The following TRADD variants were observed in gnomAD, a reference collection of about 807,000 sequenced individuals.
TRADD encodes tumor necrosis factor receptor type 1-associated DEATH domain protein.
A neutral mutation model predicts 31.5 loss-of-function variants in TRADD; 14 were observed. The ratio of observed to expected loss-of-function variants is 0.44; its 90% CI spans 0.29 to 0.69. The LOEUF is 0.69. Ranked by LOEUF, TRADD falls within the 30% of genes least tolerant of loss-of-function variation. TRADD has a pLI of 0.11. For missense variants in TRADD, 388 were observed against 435.7 expected (o/e 0.89, Z 0.97); for synonymous variants, 220 against 215.8 (o/e 1.02, Z -0.17).
intron 1 of TRADD, among the ~76,000 whole-genome samples, chr16:67,158,167 T>C (rs1255077980): frequency 2.0e-5 from 3 of 152,228 alleles, no homozygotes; most frequent in Non-Finnish European, 2.9e-5. Context: ...CTTTGTTTTT[T>C]CAATTGTCTT....
At position 67,154,462 on chromosome 16, in the gene TRADD, C is replaced by G. The variant is rs1467433459; in HGVS notation, c.*187G>C. 1 of 702,852 alleles carries G rather than the reference C, an allele frequency of 1.4e-6. No individual in the cohort carries two copies. Among genetic ancestry groups the G allele is most frequent in the Non-Finnish European group, 2.4e-6 (1 of 418,810 alleles). 43.5% of individuals were successfully genotyped at this position (702,852 alleles called of 1,614,324 possible). On this transcript the variant is annotated 3_prime_UTR_variant, in exon 5 of 5. Transcript: ENST00000345057. The surrounding 1 kb of genome is among the most constrained non-coding windows in gnomAD (Gnocchi z 5.2). ...CCACACTCTATCAAAGTACCTGAGG[C>G]AGAATCCCCAATGATGCACCCCCAG... is the stretch of plus-strand genomic sequence containing the variant.
At chr16:67,158,652 T>C (rs1473562054) in intron 1 of TRADD, among the ~76,000 whole-genome samples, 1 of 152,200 alleles carries the variant, frequency 6.6e-6, no homozygotes, top group African/African-American at 2.4e-5. Context: ...TTATGTGAAG[T>C]AGACATATTT....
Position 67,155,145 on chromosome 16 carries a change from C to T in TRADD, c.579G>A (p.Pro193=). 1 of 1,547,976 alleles carries T rather than the reference C, an allele frequency of 6.5e-7. No individual in the cohort carries two copies. The highest frequency in any genetic ancestry group is 8.7e-7 in the Non-Finnish European group (1 of 1,150,206). The change falls in exon 4 of 5, where the codon CCG becomes CCA. Residue 193 remains proline, a synonymous_variant. Transcript: ENST00000345057. ...AAGTCTGGGCAGGTGGCGGCGGCGG[C>T]GGCGGCTTCACCTCCGACAGAGAGG... ...PVPSLSEVKP[P]PPPPPAQTFL...
In TRADD at chr16:67,156,622, G is replaced by A. The variant is rs1378430787; in HGVS notation, c.39C>T (p.Gly13=). Residue 13 remains glycine (G), a synonymous_variant, in exon 2 of 5, where the codon GGC becomes GGT. Transcript: ENST00000345057. This position sits in a 1 kb window ranked among gnomAD's most constrained non-coding sequence, Gnocchi z 4.6. ...AGQNGHEEWV[G]SAYLFVESSL... Reference sequence around the variant, plus strand: ...AGGACTCCACAAACAGGTATGCGCTGCCCACCCACTCTTCGTGCCCATTTT... The same window carrying A: ...AGGACTCCACAAACAGGTATGCGCTACCCACCCACTCTTCGTGCCCATTTT... 1.2e-6 allele frequency: 2 copies of A among 1,614,088 alleles called. No individual in the cohort carries two copies. Among genetic ancestry groups the A allele is most frequent in the Admixed American group, 3.3e-5 (2 of 60,020 alleles).
In TRADD at chr16:67,154,641, C is replaced by T. The variant is rs531574453; in HGVS notation, c.*8G>A. The stretch of plus-strand genomic sequence containing the variant: ...CCAGGTTCTCCAAAAGCTGGCTGCA[C>T]CCCTGGTCTAGGCCAGGCCGCCATT... On this transcript the variant is annotated 3_prime_UTR_variant, in exon 5 of 5. Coordinates refer to ENST00000345057, the MANE Select transcript of TRADD (RefSeq NM_003789.4). This position sits in a 1 kb window ranked among gnomAD's most constrained non-coding sequence, Gnocchi z 5.2. 2.5e-6 allele frequency: 4 copies of T among 1,611,626 alleles called. No individual in the cohort carries two copies. The South Asian group carries it at 3.3e-5, about 13-fold the overall frequency.
rs1457653026 is a variant in TRADD at position 67,159,682 on chromosome 16, G to C, written c.-9+156C>G. 2.2e-4 allele frequency among the ~76,000 whole-genome samples: 33 copies of C among 152,118 alleles called. No individual in the cohort carries two copies. The highest frequency in any genetic ancestry group is 8.8e-5 in the Non-Finnish European group (6 of 68,018). ...GGGGCCAAATTCCGTACCGTCCCCC[G>C]CCTCCCACGGTGTTCGAACAGCTCA... On this transcript the variant is annotated intron_variant, in intron 1 of 4. Transcript: ENST00000345057. This position sits in a 1 kb window ranked among gnomAD's most constrained non-coding sequence, Gnocchi z 6.8.
Position 67,156,390 on chromosome 16 carries a change from G to A in TRADD, c.151+120C>T, listed in dbSNP as rs1371428619. On this transcript the variant is annotated intron_variant, in intron 2 of 4. Transcript: ENST00000345057. This position sits in a 1 kb window ranked among gnomAD's most constrained non-coding sequence, Gnocchi z 4.6. ...CAAAGAAGAGAGTCTGCACAGCCAG[G>A]GGTCCTCCGTCTTGCTCCTCCCACC... is the stretch of plus-strand genomic sequence containing the variant. 2 of 1,464,640 alleles carry A rather than the reference G, an allele frequency of 1.4e-6. No individual in the cohort carries two copies. The highest frequency in any genetic ancestry group is 1.8e-5 in the Admixed American group (1 of 56,610). The allele number at this position is 1,464,640 out of a possible 1,614,324, so 90.7% of individuals were successfully genotyped here. A position where few individuals can be genotyped will look rare whatever the true frequency, so the allele number is the denominator to read the frequency against.
At position 67,154,726 on chromosome 16, in the gene TRADD, C is replaced by A. The variant is rs1324264562; in HGVS notation, c.862G>T (p.Ala288Ser). 22 of 1,612,346 alleles carry A rather than the reference C, an allele frequency of 1.4e-5. No individual in the cohort carries two copies. The highest frequency in any genetic ancestry group is 1.9e-5 in the Non-Finnish European group (22 of 1,179,712). Residue 288 changes from alanine to serine, a missense_variant, in exon 5 of 5, where the codon GCA (alanine) becomes TCA (serine). Physicochemically the swap from Ala to Ser is moderately conservative, Grantham distance 99. Coordinates refer to ENST00000345057, the MANE Select transcript of TRADD (RefSeq NM_003789.4). This position sits in a 1 kb window ranked among gnomAD's most constrained non-coding sequence, Gnocchi z 5.2. ...CTGGTGAGCTCGTTCTCCTCGAGTG[C>A]CTCCACCAGGCGCTGCAGCGTGGCG... is the stretch of plus-strand genomic sequence containing the variant. ...RRATLQRLVE[A>S]LEENELTSLA... is the part of the protein sequence containing the mutation.
In TRADD at chr16:67,154,822, A is replaced by G. The variant is rs747925696; in HGVS notation, c.766T>C (p.Tyr256His). ...DPALDSLAYE[Y>H]EREGLYEQAF... ...TGCTCGTACAGTCCCTCGCGCTCGT[A>G]CTCGTAGGCCAGCGAGTCCAGCGCC... is the stretch of plus-strand genomic sequence containing the variant. The change falls in exon 5 of 5, where the codon TAC becomes CAC. Residue 256 changes from tyrosine to histidine, a missense_variant. Transcript: ENST00000345057. The surrounding 1 kb of genome is among the most constrained non-coding windows in gnomAD (Gnocchi z 5.2). 1.2e-5 allele frequency: 19 copies of G among 1,592,664 alleles called. No homozygotes were observed. Among genetic ancestry groups the G allele is most frequent in the Non-Finnish European group, 1.6e-5 (19 of 1,170,784 alleles).
At chr16:67,155,051 A>T (rs1284724237) in intron 4 of TRADD, 45 bp downstream of exon 4, 1 of 618,036 alleles carries the variant, frequency 1.6e-6, no homozygotes, top group Non-Finnish European at 2.4e-6. Context: ...GCCCCTCCCC[A>T]GACTCCAACC....
Position 67,156,041 on chromosome 16 carries a change from A to G in TRADD, c.152-387T>C. 1.5e-6 allele frequency: 2 copies of G among 1,358,750 alleles called. No homozygotes were observed. The highest frequency in any genetic ancestry group is 2.9e-5 in the African/African-American group (2 of 68,570). 84.2% of individuals were successfully genotyped at this position (1,358,750 alleles called of 1,614,324 possible). On this transcript the variant is annotated intron_variant, in intron 2 of 4. Transcript: ENST00000345057. This position sits in a 1 kb window ranked among gnomAD's most constrained non-coding sequence, Gnocchi z 4.6. ...GGTCTCAGGTCTTCGGCCTCCACCA[A>G]GCGCGACTCCCACTGCTCGGGAAGA...
At position 67,154,946 on chromosome 16, in the gene TRADD, C is replaced by G; in HGVS notation, c.642G>C (p.Leu214=). The part of the protein sequence containing the change: ...FQGQPVVNRP[L]SLKDQQTFAR... Reference sequence around the variant, plus strand: ...CGAACGTCTGTTGGTCCTTCAGGCTCAGCGGCCGATTCACTGCAGAGGGAG... The same window carrying G: ...CGAACGTCTGTTGGTCCTTCAGGCTGAGCGGCCGATTCACTGCAGAGGGAG... The change falls in exon 5 of 5, where the codon CTG becomes CTC. Residue 214 remains leucine, a synonymous_variant. Transcript: ENST00000345057. This position sits in a 1 kb window ranked among gnomAD's most constrained non-coding sequence, Gnocchi z 5.2. 1 of 1,609,466 alleles carries G rather than the reference C, an allele frequency of 6.2e-7. No homozygotes were observed. Among genetic ancestry groups the G allele is most frequent in the South Asian group, 1.1e-5 (1 of 90,464 alleles).
In TRADD at chr16:67,159,148, G is replaced by T. The variant is rs2030807651; in HGVS notation, c.-9+690C>A. Among the ~76,000 whole-genome samples, 1 of 152,238 alleles carries T rather than the reference G, an allele frequency of 6.6e-6. No homozygotes were observed. Among genetic ancestry groups the T allele is most frequent in the Non-Finnish European group, 1.5e-5 (1 of 68,044 alleles). On this transcript the variant is annotated intron_variant, in intron 1 of 4. Coordinates refer to ENST00000345057, the MANE Select transcript of TRADD (RefSeq NM_003789.4). The surrounding 1 kb of genome is among the most constrained non-coding windows in gnomAD (Gnocchi z 6.8). ...TCTTCTTACGTGTTCTTTCACGGAA[G>T]CCCCTCCTTGGGAAGCCCCGCGCCC...
intron 3 of TRADD, 25 bp from the exon 4 acceptor site, chr16:67,155,319 C>T: frequency 3.1e-6 from 5 of 1,609,188 alleles, no homozygotes; most frequent in East Asian, 2.2e-5. Flanking sequence ...CGTGCCGTCA[C>T]GGGGGACTTA....
Position 67,155,985 on chromosome 16 carries a change from T to C in TRADD, c.152-331A>G, listed in dbSNP as rs1296963494. The C allele has an allele frequency of 7.8e-6, 11 of 1,413,072 alleles. 1 individual carries two copies. The South Asian group carries it at 1.2e-4, about 16-fold the overall frequency. The allele number at this position is 1,413,072 out of a possible 1,614,324, so 87.5% of individuals were successfully genotyped here. A position where few individuals can be genotyped will look rare whatever the true frequency, so the allele number is the denominator to read the frequency against. On this transcript the variant is annotated intron_variant, in intron 2 of 4. Coordinates refer to ENST00000345057, the MANE Select transcript of TRADD (RefSeq NM_003789.4). Reference sequence around the variant, plus strand: ...GCCCTGGGCAAACAAGCCGTCTGGGTAGGCGGCCAGCAGGGCAGAGGAGGG... The same window carrying C: ...GCCCTGGGCAAACAAGCCGTCTGGGCAGGCGGCCAGCAGGGCAGAGGAGGG...
intron 3 of TRADD, 35 bp from the exon 4 acceptor site, chr16:67,155,329 A>G (rs1169057663): frequency 1.2e-6 from 2 of 1,607,768 alleles, no homozygotes; most frequent in Middle Eastern, 1.7e-4. Flanking sequence ...CGGGGGACTT[A>G]ACCGCGGATC....
intron 2 of TRADD, 68 bp from the exon 3 acceptor site, chr16:67,155,722 G>A (rs1397207133): frequency 1.3e-6 from 2 of 1,507,802 alleles, no homozygotes; most frequent in Admixed American, 4.4e-5. Flanking sequence ...GGCCGGAGGA[G>A]GGGCGAAGCC....
At position 67,155,639 on chromosome 16, in the gene TRADD, G is replaced by C. The variant is rs540812073; in HGVS notation, c.167C>G (p.Pro56Arg). ...GATCTTCAGCATCTGCAGCACGTCCGGGCTCCCGCCGCTCTCTGCGGAGGC... is the reference window on the plus strand; with the variant it reads ...GATCTTCAGCATCTGCAGCACGTCCCGGCTCCCGCCGCTCTCTGCGGAGGC... ...QAALAESGGS[P>R]DVLQMLKIHR... Residue 56 changes from proline (P) to arginine (R), a missense_variant, in exon 3 of 5, where the codon CCG becomes CGG. Physicochemically the swap from Pro to Arg is moderately radical, Grantham distance 103. Coordinates refer to ENST00000345057, the MANE Select transcript of TRADD (RefSeq NM_003789.4). 6.4e-7 allele frequency: 1 copy of C among 1,551,920 alleles called. No homozygotes were observed. The highest frequency in any genetic ancestry group is 8.7e-7 in the Non-Finnish European group (1 of 1,155,520).
rs2030582205 is a variant in TRADD, at chr16:67,154,579, G to C, written c.*70C>G. On this transcript the variant is annotated 3_prime_UTR_variant, in exon 5 of 5. Transcript: ENST00000345057. The surrounding 1 kb of genome is among the most constrained non-coding windows in gnomAD (Gnocchi z 5.2). ...TTTCAGGGTCCCGTGGATGGACAGG[G>C]GTTCAGCAATAGCCGCAGAAGGAAC... 6.5e-7 allele frequency: 1 copy of C among 1,544,000 alleles called. No homozygotes were observed. Among genetic ancestry groups the C allele is most frequent in the Non-Finnish European group, 8.8e-7 (1 of 1,142,282 alleles).
Sources: gnomAD v4.1 joint callset for allele counts (sites outside exome capture counted in the v4.1 genomes callset) on GRCh38, gnomAD v4.1.1 for gene constraint, Gnocchi (gnomAD v3.1) non-coding constraint, MANE v1.5 for transcripts, NCBI Gene and HGNC (gene_info 2026-07-23, HGNC 2026-07-21) for gene names.